Variants in UBASH3A observed in about 807,000 individuals in gnomAD.
UBASH3A encodes ubiquitin-associated and SH3 domain-containing protein A.
Under a neutral mutation model 73.5 loss-of-function variants are expected in UBASH3A, and 63 were observed. The observed-to-expected ratio is 0.86, with a 90% confidence interval of 0.70 to 1.06. UBASH3A has a LOEUF of 1.06. UBASH3A is among the 50% of genes least tolerant of loss of function. The pLI is 0.00. For synonymous variants in UBASH3A, 363 were observed against 351.1 expected, an observed-to-expected ratio of 1.03 and a Z score of -0.38; for missense variants, 860 against 859.0, an observed-to-expected ratio of 1.00 and a Z score of -0.02.
At chr21:42,411,110 C>G (rs541163887) in intron 3 of UBASH3A, among the ~76,000 whole-genome samples, 1 of 150,626 alleles carries the variant, frequency 6.6e-6, no homozygotes, top group Admixed American at 6.6e-5. Context: ...CACAGACACA[C>G]ACAGATAGAC....
chr21:42,410,374 A>G (rs986807774), intron 3 of UBASH3A: 1 of 566,036 alleles, frequency 1.8e-6, no homozygotes, highest in South Asian at 2.3e-5. Context: ...GATTTGTTCC[A>G]CCCATTTCAA....
Position 42,409,469 on chromosome 21 carries a change from A to G in UBASH3A, c.215A>G (p.Gln72Arg). Residue 72 changes from glutamine to arginine, a missense_variant, in exon 3 of 15, where the codon CAG becomes CGG. Gln to Arg is a conservative substitution (Grantham distance 43). Coordinates refer to ENST00000319294, the MANE Select transcript of UBASH3A (RefSeq NM_018961.4). ...NDPSLDDPIP[Q>R]EYALFLCPTG... is the part of the protein sequence containing the mutation. ...CCTTCCCTAGACGACCCCATCCCCC[A>G]GGAGTATGCCCTTTTCCTCTGTCCA... 1 of 1,613,768 alleles carries G rather than the reference A, an allele frequency of 6.2e-7. No homozygotes were observed. Among genetic ancestry groups the G allele is most frequent in the East Asian group, 2.2e-5 (1 of 44,876 alleles).
chr21:42,412,352 C>T (rs895129183), intron 3 of UBASH3A, among the ~76,000 whole-genome samples: 3 of 152,162 alleles, frequency 2.0e-5, no homozygotes, highest in Non-Finnish European at 4.4e-5. Flanking sequence ...GTCCTGCAGC[C>T]ACTCAGGGGG....
At chr21:42,418,346 A>T in intron 6 of UBASH3A, 55 bp from the exon 7 acceptor site, 2 of 1,550,152 alleles carry the variant, frequency 1.3e-6, no homozygotes, top group Admixed American at 3.4e-5. Context: ...TATTGCTGCC[A>T]TTTTCCAATG....
intron 9 of UBASH3A, among the ~76,000 whole-genome samples, chr21:42,432,558 G>A (rs1440491791): frequency 6.6e-6 from 1 of 152,166 alleles, no homozygotes; most frequent in East Asian, 1.9e-4. Flanking sequence ...ATACCCACAA[G>A]CCAACCTCTG....
At chr21:42,437,194 CT>C (rs1237293456) in intron 10 of UBASH3A, among the ~76,000 whole-genome samples, 1 of 152,258 alleles carries the variant, frequency 6.6e-6, no homozygotes, top group African/African-American at 2.4e-5. Context: ...ACTTCTCTGA[CT>C]TTTTTCCATG....
intron 1 of UBASH3A, among the ~76,000 whole-genome samples, chr21:42,405,369 C>T (rs1481028728): frequency 6.6e-6 from 1 of 152,198 alleles, no homozygotes; most frequent in Non-Finnish European, 1.5e-5. Flanking sequence ...ACCAGCTTTC[C>T]ATGCCTTTGA....
intron 12 of UBASH3A, 144 bp from the exon 13 acceptor site, chr21:42,443,168 C>T (rs1162907670): frequency 1.4e-6 from 2 of 1,403,180 alleles, no homozygotes; most frequent in Non-Finnish European, 1.9e-6. Context: ...CAGCACAAAA[C>T]TGGAGCCTGC....
intron 11 of UBASH3A, among the ~76,000 whole-genome samples, chr21:42,441,135 A>T (rs929528272): frequency 6.6e-6 from 1 of 152,186 alleles, no homozygotes; most frequent in African/African-American, 2.4e-5. Flanking sequence ...ATTCAGAAAA[A>T]CAAGGACACC....
chr21:42,433,769 T>C (rs1466608781), intron 9 of UBASH3A, among the ~76,000 whole-genome samples: 3 of 152,114 alleles, frequency 2.0e-5, no homozygotes, highest in Non-Finnish European at 2.9e-5. Flanking sequence ...AACTCCTATA[T>C]GGAAACTAAA....
chr21:42,442,756 C>T (rs2053769870), intron 12 of UBASH3A, among the ~76,000 whole-genome samples, 160 bp downstream of exon 12: 1 of 152,044 alleles, frequency 6.6e-6, no homozygotes, highest in African/African-American at 2.4e-5. Flanking sequence ...ACTCCTAATA[C>T]AAGGAAAAGA....
At chr21:42,431,105 CA>C (rs912395085) in intron 8 of UBASH3A, among the ~76,000 whole-genome samples, 2 of 152,146 alleles carry the variant, frequency 1.3e-5, no homozygotes, top group Non-Finnish European at 2.9e-5. Flanking sequence ...TCTCTGGTCC[CA>C]GGGGGGGCAT....
At position 42,418,497 on chromosome 21, in the gene UBASH3A, G is replaced by A. The variant is rs774781107; in HGVS notation, c.934G>A (p.Glu312Lys). ...CTTTGTGGACCCCACGCAGCAGGAC[G>A]AAGCCAGCGAGGGCTGGGTGATTGG... ...YIFVDPTQQDEASEGWVIGIS... is the reference protein window; with the variant it reads ...YIFVDPTQQDKASEGWVIGIS... The change falls in exon 7 of 15, where the codon GAA becomes AAA. Residue 312 changes from glutamate to lysine, a missense_variant. Physicochemically the swap from Glu to Lys is moderately conservative, Grantham distance 56 (BLOSUM62 1). Transcript: ENST00000319294. 51 of 1,614,114 alleles carry A rather than the reference G, an allele frequency of 3.2e-5. No individual in the cohort carries two copies. The highest frequency in any genetic ancestry group is 4.0e-5 in the Non-Finnish European group (47 of 1,180,036).
intron 10 of UBASH3A, among the ~76,000 whole-genome samples, chr21:42,435,878 G>C (rs1301104352): frequency 3.3e-5 from 5 of 151,848 alleles, no homozygotes; most frequent in African/African-American, 4.8e-5. Flanking sequence ...TAGAGTCATA[G>C]AGTTGTAGAG....
At chr21:42,416,387 G>T in intron 5 of UBASH3A, 55 bp from the exon 6 acceptor site, 1 of 1,485,308 alleles carries the variant, frequency 6.7e-7, no homozygotes, top group Non-Finnish European at 9.0e-7. Flanking sequence ...GTCGGAGGAA[G>T]GAGACATTTA....
chr21:42,439,162 A>T (rs2053684776), intron 11 of UBASH3A, among the ~76,000 whole-genome samples: 1 of 152,118 alleles, frequency 6.6e-6, no homozygotes, highest in African/African-American at 2.4e-5. Context: ...CAGGCTCATC[A>T]TTCCTGTCCT....
chr21:42,438,070 C>T (rs573678563), intron 11 of UBASH3A, among the ~76,000 whole-genome samples: 79 of 152,308 alleles, frequency 5.2e-4, no homozygotes, highest in African/African-American at 1.8e-3. Flanking sequence ...AAAGTTCCTG[C>T]CCATAGGAGA....
At chr21:42,418,298 A>G (rs953575301) in intron 6 of UBASH3A, 103 bp from the exon 7 acceptor site, 5 of 957,614 alleles carry the variant, frequency 5.2e-6, no homozygotes, top group Non-Finnish European at 8.3e-6. Flanking sequence ...AACACATTGG[A>G]GGGGCAGAAA....
chr21:42,442,596 G>C lies in UBASH3A; in HGVS notation c.1631G>C (p.Arg544Thr). 6.2e-7 allele frequency: 1 copy of C among 1,606,042 alleles called. No homozygotes were observed. The highest frequency in any genetic ancestry group is 8.5e-7 in the Non-Finnish European group (1 of 1,177,934). ...EANFNIDTDY[R>T]PAFPLSALMP... ...AATTTCAACATTGACACTGATTACA[G>C]GTATGCTGTTCTAAAGTTCTCTGCC... is the stretch of plus-strand genomic sequence containing the variant. The change falls in exon 12 of 15, where the codon AGG (arginine) becomes ACG (threonine). Residue 544 changes from arginine (R) to threonine (T), a missense_variant and splice_region_variant. Transcript: ENST00000319294.
Sources: allele counts gnomAD v4.1 joint callset (sites outside exome capture counted in the v4.1 genomes callset), GRCh38; gene constraint gnomAD v4.1.1; transcripts MANE v1.5; gene names NCBI Gene and HGNC (gene_info 2026-07-23, HGNC 2026-07-21).